Variants in ACSL3 observed in about 807,000 individuals in gnomAD.
ACSL3 encodes the protein fatty acid CoA ligase Acsl3.
ACSL3 carries 34 observed loss-of-function variants against 84.7 expected under a neutral mutation model. That is an observed-to-expected ratio of 0.40 (90% CI 0.31 to 0.53). ACSL3 has a LOEUF of 0.53. Among genes scored for constraint, ACSL3 ranks in the 20% least tolerant of loss-of-function variants. ACSL3 has a pLI of 0.48. For synonymous variants in ACSL3, 315 were observed against 299.4 expected, an observed-to-expected ratio of 1.05 and a Z score of -0.54; for missense variants, 680 against 873.1, an observed-to-expected ratio of 0.78 and a Z score of 2.79.
chr2:222,868,478 C>G (rs547816564), intron 1 of ACSL3, among the ~76,000 whole-genome samples: 8 of 152,262 alleles, frequency 5.3e-5, no homozygotes, highest in Admixed American at 2.6e-4. Flanking sequence ...TCTAAGCCTA[C>G]TCAGTTTGTG....
intron 1 of ACSL3, among the ~76,000 whole-genome samples, chr2:222,880,828 T>TC (rs1248327463): frequency 2.2e-5 from 3 of 134,706 alleles, no homozygotes; most frequent in East Asian, 4.1e-4. Flanking sequence ...AGACTCTGTC[T>TC]CCCAAAAAAA....
intron 12 of ACSL3, 148 bp downstream of exon 12, chr2:222,927,337 T>A (rs557140305): frequency 3.8e-6 from 3 of 784,892 alleles, no homozygotes; most frequent in Admixed American, 3.4e-5. Context: ...ATCATTGATA[T>A]CAATTTTTAG....
rs1297287016 is a variant in ACSL3 at position 222,904,291 on chromosome 2, A to AC, written c.-41+3511_-41+3512insC. 5.6e-3 allele frequency among the ~76,000 whole-genome samples: 590 copies of AC among 106,134 alleles called. 3 individuals are homozygous for AC. Among genetic ancestry groups the AC allele is most frequent in the African/African-American group, 0.022 (525 of 23,966 alleles). The allele number at this position is 106,134 out of a possible 152,430, so 69.6% of individuals were successfully genotyped here. ...CATCTCAAAAAACAAAACAAAACAA[A>AC]ACAAAAAACAATTATGGTCATTTTG... On this transcript the variant is annotated intron_variant, in intron 3 of 16. Coordinates refer to ENST00000357430, the MANE Select transcript of ACSL3 (RefSeq NM_004457.5).
intron 4 of ACSL3, among the ~76,000 whole-genome samples, chr2:222,913,622 A>T (rs1696499784): frequency 6.6e-6 from 1 of 152,078 alleles, no homozygotes; most frequent in African/African-American, 2.4e-5. Flanking sequence ...ATTCACTCAC[A>T]CACAGCATAA....
At chr2:222,937,897 A>AT (rs139560579) in intron 16 of ACSL3, among the ~76,000 whole-genome samples, 1,955 of 151,112 alleles carry the variant, frequency 0.013, 50 homozygotes, top group African/African-American at 0.045. Context: ...TGTTTTGTTG[A>AT]TTTTTTGTGT....
rs528555598 is a variant in ACSL3 at position 222,888,813 on chromosome 2, T to C, written c.-148+925T>C. ...TTTGTTTGCGTATCCAAGATTGCCA[T>C]CTTTTAATGAAGTAGATGTGATGGA... On this transcript the variant is annotated intron_variant, in intron 2 of 16. Transcript: ENST00000357430. Among the ~76,000 whole-genome samples the C allele has an allele frequency of 8.3e-4, 126 of 152,336 alleles. 1 individual carries two copies. Among genetic ancestry groups the C allele is most frequent in the African/African-American group, 2.9e-3 (119 of 41,576 alleles).
chr2:222,895,044 C>G (rs1428863390), intron 2 of ACSL3, among the ~76,000 whole-genome samples: 1 of 152,166 alleles, frequency 6.6e-6, no homozygotes, highest in Non-Finnish European at 1.5e-5. Context: ...GACCCTGACA[C>G]TACTCTGTCG....
chr2:222,899,322 A>G (rs770721786), intron 2 of ACSL3, among the ~76,000 whole-genome samples: 1 of 151,108 alleles, frequency 6.6e-6, no homozygotes, highest in Non-Finnish European at 1.5e-5. Context: ...AAAAAATACA[A>G]AAATTAGCTG....
At position 222,868,793 on chromosome 2, in the gene ACSL3, G is replaced by A. The variant is rs145344603; in HGVS notation, c.-207+7535G>A. Among the ~76,000 whole-genome samples, 58 of 152,046 alleles carry A rather than the reference G, an allele frequency of 3.8e-4. 1 individual carries two copies. The East Asian group carries it at 9.1e-3, about 24-fold the overall frequency. ...ATGAGTCCAGCCTGGCCAATGTGGT[G>A]AAATCCCGTCTCTACTAAAAATACA... On this transcript the variant is annotated intron_variant, in intron 1 of 16. Transcript: ENST00000357430.
intron 4 of ACSL3, among the ~76,000 whole-genome samples, chr2:222,911,130 A>G (rs1481153754): frequency 1.3e-5 from 2 of 151,508 alleles, no homozygotes; most frequent in African/African-American, 2.4e-5. Flanking sequence ...GCTCACCGCA[A>G]CGTCCGCCTT....
At chr2:222,882,175 A>C (rs1392662053) in intron 1 of ACSL3, among the ~76,000 whole-genome samples, 1 of 152,232 alleles carries the variant, frequency 6.6e-6, no homozygotes, top group Non-Finnish European at 1.5e-5. Flanking sequence ...GGACTTTTTA[A>C]AGTAATTTCT....
intron 4 of ACSL3, among the ~76,000 whole-genome samples, chr2:222,915,909 GAA>G (rs1005367626): frequency 6.6e-6 from 1 of 152,124 alleles, no homozygotes; most frequent in Non-Finnish European, 1.5e-5. Flanking sequence ...TAAATAGAGA[GAA>G]ATTAAAATTT....
intron 1 of ACSL3, among the ~76,000 whole-genome samples, chr2:222,868,712 C>T (rs1323745938): frequency 2.0e-5 from 3 of 151,926 alleles, no homozygotes; most frequent in South Asian, 4.1e-4. Context: ...TTTGGGAGGC[C>T]GAGGAGGGCG....
At chr2:222,881,085 C>T (rs1403160786) in intron 1 of ACSL3, among the ~76,000 whole-genome samples, 2 of 152,024 alleles carry the variant, frequency 1.3e-5, no homozygotes, top group African/African-American at 4.8e-5. Flanking sequence ...TAAATGTAAG[C>T]CATATATGTA....
rs962517776 is a variant in ACSL3 at position 222,904,127 on chromosome 2, C to T, written c.-41+3347C>T. On this transcript the variant is annotated intron_variant, in intron 3 of 16. Transcript: ENST00000357430. ...TCTCTACTAAAAATACAAAATTAGCCGGGCGTGATGGTGCATGCCTGTAAT... is the reference window on the plus strand; with the variant it reads ...TCTCTACTAAAAATACAAAATTAGCTGGGCGTGATGGTGCATGCCTGTAAT... 4.6e-5 allele frequency among the ~76,000 whole-genome samples: 7 copies of T among 152,044 alleles called. 1 individual carries two copies. Among genetic ancestry groups the T allele is most frequent in the Admixed American group, 1.3e-4 (2 of 15,262 alleles).
At position 222,943,113 on chromosome 2, in the gene ACSL3, A is replaced by AAAG. The variant is rs2106149178; in HGVS notation, c.*1461_*1463dup. 1 of 227,020 alleles carries AAAG rather than the reference A, an allele frequency of 4.4e-6. No individual in the cohort carries two copies. Among genetic ancestry groups the AAAG allele is most frequent in the Non-Finnish European group, 8.8e-6 (1 of 114,212 alleles). 14.1% of individuals were successfully genotyped at this position (227,020 alleles called of 1,614,324 possible). A position where few individuals can be genotyped will look rare whatever the true frequency, so the allele number is the denominator to read the frequency against. ...AAAAAAAAAAAACAAAAACAAAAAAAAAGATGAACCTAGGTCTGTGTAAAG... is the reference window on the plus strand; with the variant it reads ...AAAAAAAAAAAACAAAAACAAAAAAAAAGAAGATGAACCTAGGTCTGTGTAAAG... On this transcript the variant is annotated 3_prime_UTR_variant, in exon 17 of 17. Coordinates refer to ENST00000357430, the MANE Select transcript of ACSL3 (RefSeq NM_004457.5).
At chr2:222,928,754 T>A in intron 12 of ACSL3, 108 bp from the exon 13 acceptor site, 1 of 915,826 alleles carries the variant, frequency 1.1e-6, no homozygotes, top group South Asian at 1.5e-5. Context: ...AAGGAATAGC[T>A]GGGGATACCT....
chr2:222,919,633 C>G (rs1696678307), intron 7 of ACSL3, among the ~76,000 whole-genome samples: 2 of 152,194 alleles, frequency 1.3e-5, no homozygotes, highest in African/African-American at 4.8e-5. Context: ...TACCCTCCAA[C>G]TAGCACACCT....
chr2:222,904,299 A>AC (rs397695142), intron 3 of ACSL3, among the ~76,000 whole-genome samples: 1 of 151,154 alleles, frequency 6.6e-6, no homozygotes, highest in Non-Finnish European at 1.5e-5. Context: ...AAAACAAAAA[A>AC]CAATTATGGT....
Sources: allele counts gnomAD v4.1 joint callset (sites outside exome capture counted in the v4.1 genomes callset), GRCh38; gene constraint gnomAD v4.1.1; transcripts MANE v1.5; gene names NCBI Gene and HGNC (gene_info 2026-07-23, HGNC 2026-07-21).